USP34: variants seen among roughly 807,000 people sequenced by gnomAD.
The protein encoded by USP34 is ubiquitin specific peptidase 34, also known as ubiquitin carboxyl-terminal hydrolase 34.
A neutral mutation model predicts 460.3 loss-of-function variants in USP34; 70 were observed. That is an observed-to-expected ratio of 0.15 (90% CI 0.13 to 0.19). USP34 has a LOEUF of 0.19. Among genes scored for constraint, USP34 ranks in the 10% least tolerant of loss-of-function variants. The pLI is 1.00. For synonymous variants in USP34, 1,647 were observed against 1,405.3 expected (o/e 1.17, Z -3.85); for missense variants, 3,985 against 4,236.2 (o/e 0.94, Z 1.65).
intron 66 of USP34, among the ~76,000 whole-genome samples, chr2:61,221,152 T>C (rs961088558): frequency 6.6e-6 from 1 of 152,230 alleles, no homozygotes; most frequent in Non-Finnish European, 1.5e-5. Context: ...AGAAATTTTG[T>C]GACCTCAGCA....
In USP34 at chr2:61,470,887, G is replaced by A. The variant is rs962622324; in HGVS notation, c.-195C>T. 11 of 337,994 alleles carry A rather than the reference G, an allele frequency of 3.3e-5. No individual in the cohort carries two copies. The highest frequency in any genetic ancestry group is 6.8e-5 in the African/African-American group (3 of 43,956). The allele number at this position is 337,994 out of a possible 1,614,324, so 20.9% of individuals were successfully genotyped here. ...GGGGCCGGCGGTCCCCGCAGCGGGA[G>A]GGGGAGAGGAGGGGAGCGAGGGGAG... On this transcript the variant is annotated 5_prime_UTR_variant, in exon 1 of 80. Transcript: ENST00000398571.
At chr2:61,256,791 A>G in intron 47 of USP34, 82 bp downstream of exon 47, 1 of 1,070,314 alleles carries the variant, frequency 9.3e-7, no homozygotes, top group South Asian at 2.0e-5. Flanking sequence ...AAGTTTAAAA[A>G]TATCAAGATG....
chr2:61,390,041 C>T (rs1457628668), intron 5 of USP34, among the ~76,000 whole-genome samples: 6 of 152,016 alleles, frequency 3.9e-5, no homozygotes. Context: ...ACAGTCTTTG[C>T]TAGTATATTT....
rs200801698 is a variant in USP34, at chr2:61,206,727, C to A, written c.9046+33G>T. 11 of 1,605,848 alleles carry A rather than the reference C, an allele frequency of 6.8e-6. No homozygotes were observed. The African/African-American group carries it at 1.5e-4, about 22-fold the overall frequency. On this transcript the variant is annotated intron_variant, in intron 71 of 79. Coordinates refer to ENST00000398571, the MANE Select transcript of USP34 (RefSeq NM_014709.4). ...ACCTTCTCTCTCTTTACTAGTAGCA[C>A]GAACAAAACATAAGAAGTAGGAATG...
At position 61,348,201 on chromosome 2, in the gene USP34, C is replaced by G. The variant is rs750928947; in HGVS notation, c.1954G>C (p.Gly652Arg). The change falls in exon 15 of 80, where the codon GGC becomes CGC. Residue 652 changes from glycine (G) to arginine (R), a missense_variant. Gly to Arg is a moderately radical substitution (Grantham distance 125). Coordinates refer to ENST00000398571, the MANE Select transcript of USP34 (RefSeq NM_014709.4). ...CCTTGGGAGTCCCCCAGGCAAATGC[C>G]TGCTTGACTCTCTAACTTTCTATTC... ...LRNRKLESQA[G>R]ICLGDSQGMS... The G allele has an allele frequency of 3.1e-6, 5 of 1,614,090 alleles. No homozygotes were observed. The highest frequency in any genetic ancestry group is 2.2e-5 in the East Asian group (1 of 44,898).
intron 72 of USP34, 70 bp from the exon 73 acceptor site, chr2:61,204,671 C>A: frequency 1.6e-6 from 2 of 1,251,026 alleles, no homozygotes; most frequent in Admixed American, 3.6e-5. Flanking sequence ...TTCCATCTTA[C>A]AAATCCTATG....
intron 8 of USP34, among the ~76,000 whole-genome samples, chr2:61,376,855 G>A (rs1359102912): frequency 5.9e-5 from 9 of 152,190 alleles, no homozygotes; most frequent in Non-Finnish European, 1.3e-4. Flanking sequence ...TGTTGGCCAG[G>A]CTGGCCTTGA....
rs974399485 is a variant in USP34 at position 61,193,112 on chromosome 2, A to AG, written c.9509-133dup. 76 of 698,946 alleles carry AG rather than the reference A, an allele frequency of 1.1e-4. No individual in the cohort carries two copies. In the African/African-American group the frequency reaches 1.3e-3, roughly 12 times the overall value. The allele number at this position is 698,946 out of a possible 1,614,324, so 43.3% of individuals were successfully genotyped here. ...ATTTTCTATATTTTAAAGTACATAA[A>AG]GGGGAAAAATTCATTCCAATGTTTA... On this transcript the variant is annotated intron_variant, in intron 75 of 79. Coordinates refer to ENST00000398571, the MANE Select transcript of USP34 (RefSeq NM_014709.4).
At chr2:61,373,700 G>A (rs746448873) in intron 8 of USP34, among the ~76,000 whole-genome samples, 10 of 152,202 alleles carry the variant, frequency 6.6e-5, no homozygotes, top group South Asian at 2.1e-4. Context: ...CTTGTTACTC[G>A]CATTAGTTAT....
Position 61,288,725 on chromosome 2 carries a change from C to A in USP34, c.4701G>T (p.Lys1567Asn). The A allele has an allele frequency of 1.2e-6, 2 of 1,614,036 alleles. No individual in the cohort carries two copies. Among genetic ancestry groups the A allele is most frequent in the Non-Finnish European group, 1.7e-6 (2 of 1,179,948 alleles). Reference protein sequence around the residue: ...RKRTWPGKSRKAAGDHAKGLH... With the variant: ...RKRTWPGKSRNAAGDHAKGLH... The stretch of plus-strand genomic sequence containing the variant: ...GACCCTTAGCATGATCACCAGCAGC[C>A]TTCCTTGATTTGCCAGGCCAGGTTC... Residue 1567 changes from lysine (K) to asparagine (N), a missense_variant, in exon 34 of 80, where the codon AAG becomes AAT. Lys to Asn is a moderately conservative substitution (Grantham distance 94). Coordinates refer to ENST00000398571, the MANE Select transcript of USP34 (RefSeq NM_014709.4).
intron 1 of USP34, among the ~76,000 whole-genome samples, chr2:61,462,284 C>G (rs1695624510): frequency 6.6e-6 from 1 of 150,402 alleles, no homozygotes; most frequent in South Asian, 2.1e-4. Flanking sequence ...CGTGGTGGCT[C>G]ATGCCTGTAA....
At position 61,470,825 on chromosome 2, in the gene USP34, CG is replaced by C; in HGVS notation, c.-134del. On this transcript the variant is annotated 5_prime_UTR_variant, in exon 1 of 80. Transcript: ENST00000398571. The stretch of plus-strand genomic sequence containing the variant: ...GCGGGGAGGCGACTAGGGCGGGCGG[CG>C]GCGGGGACGGGGCGGGGAGCAAGAG... 5.0e-6 allele frequency: 1 copy of C among 199,656 alleles called. No individual in the cohort carries two copies. Among genetic ancestry groups the C allele is most frequent in the Non-Finnish European group, 9.8e-6 (1 of 102,186 alleles). The allele number at this position is 199,656 out of a possible 1,614,324, so 12.4% of individuals were successfully genotyped here.
At chr2:61,466,148 G>A (rs1695756230) in intron 1 of USP34, among the ~76,000 whole-genome samples, 1 of 152,058 alleles carries the variant, frequency 6.6e-6, no homozygotes, top group Admixed American at 6.6e-5. Context: ...ATACAAGCCG[G>A]GCATGGTGGC....
intron 30 of USP34, among the ~76,000 whole-genome samples, chr2:61,296,277 T>A (rs1690026673): frequency 6.6e-6 from 1 of 151,870 alleles, no homozygotes; most frequent in Non-Finnish European, 1.5e-5. Flanking sequence ...AATAAATAAA[T>A]AAATAAATTA....
chr2:61,223,571 TAC>T, intron 62 of USP34: 2 of 317,766 alleles, frequency 6.3e-6, no homozygotes, highest in Non-Finnish European at 1.1e-5. Context: ...TTATTTTACT[TAC>T]TTTTTTTTTT....
intron 37 of USP34, among the ~76,000 whole-genome samples, chr2:61,281,870 C>A (rs910937069): frequency 6.6e-6 from 1 of 152,130 alleles, no homozygotes. Context: ...CTAGAAGCAA[C>A]ACAGAAGCAA....
At chr2:61,272,285 C>T (rs1214840193) in intron 41 of USP34, among the ~76,000 whole-genome samples, 1 of 151,894 alleles carries the variant, frequency 6.6e-6, no homozygotes, top group Non-Finnish European at 1.5e-5. Context: ...GTGGCGGGCA[C>T]CTGTAGTCCC....
intron 10 of USP34, among the ~76,000 whole-genome samples, chr2:61,364,235 T>G (rs2103820084): frequency 6.6e-6 from 1 of 152,282 alleles, no homozygotes; most frequent in Admixed American, 6.5e-5. Flanking sequence ...TAGGTAGGCA[T>G]GCTTTAGTCC....
intron 8 of USP34, among the ~76,000 whole-genome samples, chr2:61,370,792 C>A (rs1044402563): frequency 1.3e-5 from 2 of 152,040 alleles, no homozygotes; most frequent in Non-Finnish European, 2.9e-5. Flanking sequence ...AAACAAGCAA[C>A]GAATAACTGA....
Sources: gnomAD v4.1 joint callset for allele counts (sites outside exome capture counted in the v4.1 genomes callset) on GRCh38, gnomAD v4.1.1 for gene constraint, MANE v1.5 for transcripts, NCBI Gene and HGNC (gene_info 2026-07-23, HGNC 2026-07-21) for gene names.